The following VRK2 variants were observed in gnomAD, a reference collection of about 807,000 sequenced individuals.
VRK2 encodes the protein VRK serine/threonine kinase 2, also known as serine/threonine-protein kinase VRK2.
VRK2 carries 60 observed loss-of-function variants against 57.6 expected under a neutral mutation model. The observed-to-expected ratio is 1.04, with a 90% CI of 0.85 to 1.29. The LOEUF (loss-of-function observed/expected upper bound fraction) is 1.29, where lower values mean the gene tolerates loss of function less well. VRK2 is among the 50% of genes most tolerant of loss of function. The pLI is 0.00. For missense variants in VRK2, 705 were observed against 588.1 expected, an observed-to-expected ratio of 1.20 and a Z score of -2.06; for synonymous variants, 231 against 199.2, an observed-to-expected ratio of 1.16 and a Z score of -1.35.
intron 2 of VRK2, among the ~76,000 whole-genome samples, chr2:58,076,854 C>G (rs1430780448): frequency 6.6e-6 from 1 of 151,596 alleles, no homozygotes; most frequent in African/African-American, 2.4e-5. Flanking sequence ...TATTTTGTAA[C>G]TTTTAATTTT....
upstream of VRK2, among the ~76,000 whole-genome samples, chr2:58,042,321 T>G (rs187057300): frequency 2.8e-4 from 43 of 152,302 alleles, 1 homozygote; most frequent in East Asian, 8.3e-3. Context: ...GGGCTTGGAA[T>G]TCCATTTACC....
At chr2:58,157,232 G>T (rs1226011935) in intron 12 of VRK2, among the ~76,000 whole-genome samples, 1 of 152,116 alleles carries the variant, frequency 6.6e-6, no homozygotes, top group African/African-American at 2.4e-5. Flanking sequence ...GATTTTCATG[G>T]CCAGAGTGGA....
intron 1 of VRK2, among the ~76,000 whole-genome samples, chr2:57,990,285 C>T (rs572919160): frequency 6.6e-6 from 1 of 152,316 alleles, no homozygotes; most frequent in African/African-American, 2.4e-5. Flanking sequence ...TCTTCGTGAA[C>T]TTTAACACTC....
Position 58,159,524 on chromosome 2 carries a change from ACACT to A in VRK2, c.1359_1362del (p.Thr454ProfsTer10). 2 of 1,613,818 alleles carry A rather than the reference ACACT, an allele frequency of 1.2e-6. No homozygotes were observed. On this transcript the variant is annotated frameshift_variant, in exon 13 of 13. Transcript: ENST00000340157. LOFTEE classifies it low-confidence loss of function (END_TRUNC). ...TCAAGATCTCCATCTTGGTATAAATACACTTCCACAGTCAGCACGGGGATCACAG... is the reference window on the plus strand; with the variant it reads ...TCAAGATCTCCATCTTGGTATAAATATCCACAGTCAGCACGGGGATCACAG...
chr2:57,995,362 G>A (rs1383573730), intron 1 of VRK2, among the ~76,000 whole-genome samples: 1 of 152,132 alleles, frequency 6.6e-6, no homozygotes, highest in Non-Finnish European at 1.5e-5. Flanking sequence ...CTATTGAGAA[G>A]CTGTCAAGCT....
intron 8 of VRK2, among the ~76,000 whole-genome samples, chr2:58,131,260 C>A (rs1205449192): frequency 6.7e-6 from 1 of 150,370 alleles, no homozygotes; most frequent in Non-Finnish European, 1.5e-5. Context: ...GAAAAATCTT[C>A]AGAAAGACCC....
intron 2 of VRK2, among the ~76,000 whole-genome samples, chr2:58,050,448 C>T (rs2030236): frequency 0.011 from 1,674 of 152,208 alleles, 30 homozygotes; most frequent in African/African-American, 0.037. Context: ...GTTAAGATCT[C>T]TAGTATACTG....
chr2:57,968,678 C>T (rs1671996485), intron 1 of VRK2, among the ~76,000 whole-genome samples: 1 of 151,916 alleles, frequency 6.6e-6, no homozygotes, highest in Non-Finnish European at 1.5e-5. Context: ...TAAAAATTTG[C>T]TCCATGTTAC....
upstream of VRK2, among the ~76,000 whole-genome samples, chr2:58,042,882 C>T (rs1278679523): frequency 6.6e-6 from 1 of 152,118 alleles, no homozygotes; most frequent in Non-Finnish European, 1.5e-5. Flanking sequence ...TGTTTCTCAT[C>T]ATGTTCATTC....
chr2:58,089,702 G>C lies in VRK2; in HGVS notation c.522G>C (p.Leu174Phe). The C allele has an allele frequency of 1.2e-6, 2 of 1,608,556 alleles. No homozygotes were observed. Among genetic ancestry groups the C allele is most frequent in the Non-Finnish European group, 1.7e-6 (2 of 1,176,496 alleles). ...HGDIKAANLL[L>F]GYKNPDQVYL... ...ATATAAAAGCAGCAAATCTACTTTT[G>C]GGTTACAAAAATCCAGACCAGGTAA... The change falls in exon 7 of 13, where the codon TTG becomes TTC. Residue 174 changes from leucine to phenylalanine, a missense_variant. Leu to Phe is a conservative substitution (Grantham distance 22). Coordinates refer to ENST00000340157, the MANE Select transcript of VRK2 (RefSeq NM_006296.7).
At chr2:57,972,723 T>C (rs1672133868) in intron 1 of VRK2, among the ~76,000 whole-genome samples, 1 of 151,880 alleles carries the variant, frequency 6.6e-6, no homozygotes, top group Non-Finnish European at 1.5e-5. Flanking sequence ...AACATATAAA[T>C]TTGTTTATCT....
At chr2:57,945,604 T>C (rs1483944020) in intron 1 of VRK2, among the ~76,000 whole-genome samples, 1 of 152,034 alleles carries the variant, frequency 6.6e-6, no homozygotes, top group Non-Finnish European at 1.5e-5. Context: ...TCAAAATAAA[T>C]GAATATTTAA....
intron 7 of VRK2, among the ~76,000 whole-genome samples, chr2:58,118,392 G>T (rs180933317): frequency 0.025 from 3,812 of 152,328 alleles, 153 homozygotes; most frequent in African/African-American, 0.087. Flanking sequence ...GGAGTTTTGG[G>T]TCCATGGATA....
At chr2:58,073,049 T>A (rs1669579078) in intron 2 of VRK2, among the ~76,000 whole-genome samples, 1 of 152,122 alleles carries the variant, frequency 6.6e-6, no homozygotes, top group South Asian at 2.1e-4. Context: ...TTGAAATACT[T>A]TTTAAAATGT....
At chr2:57,962,105 G>T (rs527584108) in intron 1 of VRK2, among the ~76,000 whole-genome samples, 1 of 152,212 alleles carries the variant, frequency 6.6e-6, no homozygotes, top group East Asian at 1.9e-4. Flanking sequence ...AACAAAAACA[G>T]TATTTTGTAT....
At position 58,146,512 on chromosome 2, in the gene VRK2, T is replaced by C. The variant is rs958082912; in HGVS notation, c.1182+38T>C. 12 of 1,588,546 alleles carry C rather than the reference T, an allele frequency of 7.6e-6. No homozygotes were observed. The Admixed American group carries it at 2.1e-4, about 28-fold the overall frequency. On this transcript the variant is annotated intron_variant, in intron 12 of 12. Coordinates refer to ENST00000340157, the MANE Select transcript of VRK2 (RefSeq NM_006296.7). ...TTTGTGTGTGTTTTTTCTAACTTAA[T>C]GTTACATTAGAATATGCCCTTTGGG...
chr2:57,918,869 A>G (rs1392528232), intron 1 of VRK2, among the ~76,000 whole-genome samples: 1 of 152,096 alleles, frequency 6.6e-6, no homozygotes, highest in African/African-American at 2.4e-5. Context: ...ATAAAATACA[A>G]TGCTGATTAA....
At chr2:57,999,629 T>A (rs554209595) in intron 1 of VRK2, among the ~76,000 whole-genome samples, 1 of 152,306 alleles carries the variant, frequency 6.6e-6, no homozygotes, top group African/African-American at 2.4e-5. Flanking sequence ...GCCTGTATGT[T>A]ATTTTAAATA....
At chr2:58,082,071 A>G (rs914191905) in intron 2 of VRK2, among the ~76,000 whole-genome samples, 1 of 151,770 alleles carries the variant, frequency 6.6e-6, no homozygotes, top group East Asian at 1.9e-4. Context: ...TTGATTTTAG[A>G]CTTAGACCCT....
Sources: gnomAD v4.1 joint callset for allele counts (sites outside exome capture counted in the v4.1 genomes callset) on GRCh38, gnomAD v4.1.1 for gene constraint, MANE v1.5 for transcripts, NCBI Gene and HGNC (gene_info 2026-07-23, HGNC 2026-07-21) for gene names.